Variants in KIAA1217 observed in about 807,000 individuals in gnomAD.
KIAA1217 encodes the protein KIAA1217.
In KIAA1217, 88 loss-of-function variants were observed where a neutral mutation model predicts 163.9. The observed-to-expected ratio is 0.54, with a 90% confidence interval of 0.45 to 0.64. The LOEUF (loss-of-function observed/expected upper bound fraction) is 0.64. Among genes scored for constraint, KIAA1217 ranks in the 30% least tolerant of loss-of-function variants. The probability of loss-of-function intolerance (pLI) is 0.00; values close to 1 mark genes in which losing one functional copy is unlikely to be tolerated. For synonymous variants in KIAA1217, 903 were observed against 923.1 expected, an observed-to-expected ratio of 0.98 and a Z score of 0.39; for missense variants, 2,372 against 2,475.0, an observed-to-expected ratio of 0.96 and a Z score of 0.88.
At chr10:24,165,694 A>G (rs950450136) in intron 2 of KIAA1217, among the ~76,000 whole-genome samples, 5 of 152,248 alleles carry the variant, frequency 3.3e-5, no homozygotes, top group Admixed American at 2.6e-4. Context: ...GATCTTGCTC[A>G]GGTATCATTA....
intron 1 of KIAA1217, among the ~76,000 whole-genome samples, chr10:23,865,731 A>G (rs894825762): frequency 2.6e-5 from 4 of 152,242 alleles, no homozygotes; most frequent in East Asian, 1.9e-4. Context: ...ATGAAGTCCA[A>G]TTTCCTTCCC....
At chr10:23,780,170 A>T (rs1189801728) in intron 1 of KIAA1217, among the ~76,000 whole-genome samples, 1 of 152,214 alleles carries the variant, frequency 6.6e-6, no homozygotes, top group Non-Finnish European at 1.5e-5. Flanking sequence ...TATTTAAGGT[A>T]GACAACATGA....
chr10:24,059,469 A>G (rs1479734136), intron 2 of KIAA1217, among the ~76,000 whole-genome samples: 1 of 151,926 alleles, frequency 6.6e-6, no homozygotes, highest in Admixed American at 6.6e-5. Context: ...TCTTTTTTAA[A>G]TTTTTGGTTG....
chr10:24,521,691 C>G, intron 11 of KIAA1217, 91 bp from the exon 12 acceptor site: 1 of 1,474,344 alleles, frequency 6.8e-7, no homozygotes, highest in Admixed American at 1.8e-5. Context: ...CTTGTGAACT[C>G]TGCACTTCTC....
At chr10:23,735,187 A>G (rs1838723961) in intron 1 of KIAA1217, among the ~76,000 whole-genome samples, 1 of 152,196 alleles carries the variant, frequency 6.6e-6, no homozygotes, top group Non-Finnish European at 1.5e-5. Context: ...GTAATTATAG[A>G]GTATTCAGAG....
At chr10:23,817,798 T>C (rs1195371175) in intron 1 of KIAA1217, among the ~76,000 whole-genome samples, 1 of 151,280 alleles carries the variant, frequency 6.6e-6, no homozygotes, top group Non-Finnish European at 1.5e-5. Context: ...TTTTTGTATA[T>C]GAAATATAGG....
intron 2 of KIAA1217, among the ~76,000 whole-genome samples, chr10:24,038,980 G>A (rs1192336690): frequency 6.6e-6 from 1 of 152,024 alleles, no homozygotes; most frequent in Non-Finnish European, 1.5e-5. Flanking sequence ...CTAACCTCAG[G>A]TGATCCACCC....
chr10:24,325,675 G>A (rs2044776932), intron 2 of KIAA1217, among the ~76,000 whole-genome samples: 1 of 152,180 alleles, frequency 6.6e-6, no homozygotes, highest in South Asian at 2.1e-4. Flanking sequence ...TATAAGATTA[G>A]AGAAAATTAT....
At chr10:23,972,252 C>T (rs951568297) in intron 1 of KIAA1217, among the ~76,000 whole-genome samples, 4 of 152,188 alleles carry the variant, frequency 2.6e-5, no homozygotes, top group African/African-American at 9.7e-5. Flanking sequence ...CCCAGCAATC[C>T]CATTACTGGG....
chr10:23,862,644 A>G (rs989689299), intron 1 of KIAA1217, among the ~76,000 whole-genome samples: 7 of 152,162 alleles, frequency 4.6e-5, no homozygotes, highest in African/African-American at 1.7e-4. Flanking sequence ...TTCAGGTTGT[A>G]AAGATCCAAT....
intron 1 of KIAA1217, among the ~76,000 whole-genome samples, chr10:23,997,787 A>G (rs532330368): frequency 6.6e-6 from 1 of 152,112 alleles, no homozygotes; most frequent in Non-Finnish European, 1.5e-5. Context: ...CAGAGAACCT[A>G]TCTCTGGGGC....
At chr10:23,997,268 C>T (rs746425951) in intron 1 of KIAA1217, among the ~76,000 whole-genome samples, 1 of 152,058 alleles carries the variant, frequency 6.6e-6, no homozygotes, top group African/African-American at 2.4e-5. Flanking sequence ...TATCACATGT[C>T]CCCCCAAAAA....
At chr10:24,293,153 T>C (rs1373361744) in intron 2 of KIAA1217, among the ~76,000 whole-genome samples, 3 of 152,194 alleles carry the variant, frequency 2.0e-5, no homozygotes, top group Non-Finnish European at 4.4e-5. Flanking sequence ...AGCAGTTATT[T>C]TGCCTCAGCC....
chr10:24,165,004 T>C (rs1200663268), intron 2 of KIAA1217, among the ~76,000 whole-genome samples: 2 of 152,176 alleles, frequency 1.3e-5, no homozygotes, highest in Non-Finnish European at 2.9e-5. Flanking sequence ...GGTACCTCTT[T>C]GGCTGGGCAG....
At chr10:23,747,511 C>G (rs1233062250) in intron 1 of KIAA1217, among the ~76,000 whole-genome samples, 2 of 152,064 alleles carry the variant, frequency 1.3e-5, no homozygotes, top group African/African-American at 4.8e-5. Flanking sequence ...ACACATGAGC[C>G]TCTTGAGTAG....
chr10:23,712,859 A>G (rs1170682265), intron 1 of KIAA1217, among the ~76,000 whole-genome samples: 1 of 152,106 alleles, frequency 6.6e-6, no homozygotes, highest in Non-Finnish European at 1.5e-5. Flanking sequence ...ATTGCTCTCA[A>G]TCAAGTATTT....
rs1347620177 is a variant in KIAA1217, at chr10:24,041,260, G to A, written c.-171+33886G>A. ...ACCTCAAGTCATAAAAATCACTGAC[G>A]TGGGAAACTAAGAGGGAAAATGGTT... On this transcript the variant is annotated intron_variant, in intron 2 of 18. Transcript: ENST00000376462. Among the ~76,000 whole-genome samples the A allele has an allele frequency of 5.3e-5, 8 of 152,162 alleles. No homozygotes were observed. In the East Asian group the frequency reaches 5.8e-4, roughly 11 times the overall value.
chr10:24,453,768 ATGT>A (rs1370265503), intron 5 of KIAA1217, among the ~76,000 whole-genome samples: 2 of 152,198 alleles, frequency 1.3e-5, no homozygotes, highest in Non-Finnish European at 2.9e-5. Flanking sequence ...TAATTATATG[ATGT>A]TGTTTTGAAT....
intron 1 of KIAA1217, among the ~76,000 whole-genome samples, chr10:23,951,074 G>A (rs901897584): frequency 5.9e-5 from 9 of 152,052 alleles, no homozygotes; most frequent in South Asian, 2.1e-4. Context: ...GGATATTATC[G>A]TTTGGTATGA....
Sources: allele counts gnomAD v4.1 joint callset (sites outside exome capture counted in the v4.1 genomes callset), GRCh38; gene constraint gnomAD v4.1.1; transcripts MANE v1.5; gene names NCBI Gene and HGNC (gene_info 2026-07-23, HGNC 2026-07-21).